PCDH9: variants seen among roughly 807,000 people sequenced by gnomAD.
PCDH9 encodes the protein protocadherin-9.
A neutral mutation model predicts 70.6 loss-of-function variants in PCDH9; 24 were observed. The observed-to-expected ratio is 0.34, with a 90% confidence interval of 0.25 to 0.48. The LOEUF (loss-of-function observed/expected upper bound fraction) is 0.48, where lower values mean the gene tolerates loss of function less well. PCDH9 is among the 20% of genes least tolerant of loss of function. The pLI, the probability that PCDH9 is intolerant of heterozygous loss-of-function variation, is 0.99. For missense variants in PCDH9, 1,281 were observed against 1,503.6 expected (o/e 0.85, Z 2.45); for synonymous variants, 562 against 558.5 (o/e 1.01, Z -0.09).
At chr13:66,840,370 A>T (rs1034180135) in intron 3 of PCDH9, among the ~76,000 whole-genome samples, 1 of 152,216 alleles carries the variant, frequency 6.6e-6, no homozygotes, top group Admixed American at 6.5e-5. Flanking sequence ...ATAAAAATAT[A>T]GTTAAATATT....
intron 4 of PCDH9, among the ~76,000 whole-genome samples, chr13:66,606,219 G>A (rs1407296799): frequency 6.6e-6 from 1 of 152,050 alleles, no homozygotes; most frequent in African/African-American, 2.4e-5. Flanking sequence ...CAATTTTTGT[G>A]CTTCTATCAG....
intron 2 of PCDH9, among the ~76,000 whole-genome samples, chr13:66,994,194 C>T (rs1466946891): frequency 6.6e-6 from 1 of 152,168 alleles, no homozygotes; most frequent in East Asian, 1.9e-4. Context: ...TGACTGGCGA[C>T]TCTTGGTAAC....
chr13:66,807,464 A>C (rs924445012), intron 3 of PCDH9, among the ~76,000 whole-genome samples: 1 of 152,206 alleles, frequency 6.6e-6, no homozygotes, highest in African/African-American at 2.4e-5. Context: ...AAGAACTTGC[A>C]GCTGGGATCA....
At chr13:66,907,974 C>A (rs1594242056) in intron 2 of PCDH9, among the ~76,000 whole-genome samples, 1 of 152,134 alleles carries the variant, frequency 6.6e-6, no homozygotes, top group Middle Eastern at 3.4e-3. Flanking sequence ...TTATTCCTAC[C>A]CATTTTAAAA....
At chr13:66,500,986 C>T (rs140204280) in intron 4 of PCDH9, among the ~76,000 whole-genome samples, 1 of 152,102 alleles carries the variant, frequency 6.6e-6, no homozygotes, top group African/African-American at 2.4e-5. Flanking sequence ...TACAATGATT[C>T]ACACATCCAA....
intron 4 of PCDH9, among the ~76,000 whole-genome samples, chr13:66,542,566 T>C (rs1272784688): frequency 1.3e-5 from 2 of 151,786 alleles, no homozygotes; most frequent in East Asian, 3.9e-4. Flanking sequence ...CCCTATCCAA[T>C]TTAGACTTGC....
At chr13:66,685,016 G>A (rs755771001) in intron 3 of PCDH9, among the ~76,000 whole-genome samples, 23 of 147,088 alleles carry the variant, frequency 1.6e-4, no homozygotes, top group Middle Eastern at 3.5e-3. Flanking sequence ...GCAGCCTGAC[G>A]ATGCAATAGA....
At chr13:66,778,206 A>T (rs1448379147) in intron 3 of PCDH9, among the ~76,000 whole-genome samples, 1 of 151,938 alleles carries the variant, frequency 6.6e-6, no homozygotes, top group Non-Finnish European at 1.5e-5. Flanking sequence ...TGGGTGTAGC[A>T]CACCAGCATG....
At chr13:66,894,246 C>G (rs1426694271) in intron 3 of PCDH9, among the ~76,000 whole-genome samples, 1 of 151,972 alleles carries the variant, frequency 6.6e-6, no homozygotes, top group Non-Finnish European at 1.5e-5. Context: ...AATATATGCA[C>G]CATACACCTA....
intron 3 of PCDH9, among the ~76,000 whole-genome samples, chr13:66,788,311 C>T (rs2080110842): frequency 6.6e-6 from 1 of 152,122 alleles, no homozygotes; most frequent in Non-Finnish European, 1.5e-5. Flanking sequence ...GGCCTCGCCT[C>T]CCAACCCTGT....
chr13:66,391,785 C>T (rs267310), intron 4 of PCDH9, among the ~76,000 whole-genome samples: 3 of 151,322 alleles, frequency 2.0e-5, no homozygotes, highest in Non-Finnish European at 4.4e-5. Context: ...ATCCAATATG[C>T]CTTGATACAG....
chr13:67,192,826 G>A (rs2088954696), intron 2 of PCDH9, among the ~76,000 whole-genome samples: 1 of 152,066 alleles, frequency 6.6e-6, no homozygotes, highest in Admixed American at 6.5e-5. Flanking sequence ...TAAATACTTG[G>A]TCCCTTGTAT....
intron 3 of PCDH9, among the ~76,000 whole-genome samples, chr13:66,833,741 G>A (rs1300571534): frequency 6.6e-6 from 1 of 152,168 alleles, no homozygotes. Flanking sequence ...AAAATCAAAT[G>A]TTTGCAGAAT....
At position 66,743,635 on chromosome 13, in the gene PCDH9, G is replaced by C. The variant is rs140893722; in HGVS notation, c.3139-112224C>G. Among the ~76,000 whole-genome samples the C allele has an allele frequency of 4.3e-4, 66 of 152,160 alleles. No homozygotes were observed. In the East Asian group the frequency reaches 0.012, roughly 29 times the overall value. Reference sequence around the variant, plus strand: ...ATTGTATGCTCAAAAATTGCTAAGAGAGTAGATTTTAAGTGTTCTCACTAT... The same window carrying C: ...ATTGTATGCTCAAAAATTGCTAAGACAGTAGATTTTAAGTGTTCTCACTAT... On this transcript the variant is annotated intron_variant, in intron 3 of 4. Coordinates refer to ENST00000377865, the MANE Select transcript of PCDH9 (RefSeq NM_203487.3).
rs1339251294 is a variant in PCDH9, at chr13:66,424,114, T to C, written c.3341-119086A>G. Reference sequence around the variant, plus strand: ...GAATAAAATATCTAGGAATACAACTTACAAGGGATGTGAAGGGCCTCCTCA... The same window carrying C: ...GAATAAAATATCTAGGAATACAACTCACAAGGGATGTGAAGGGCCTCCTCA... On this transcript the variant is annotated intron_variant, in intron 4 of 4. Coordinates refer to ENST00000377865, the MANE Select transcript of PCDH9 (RefSeq NM_203487.3). Among the ~76,000 whole-genome samples, 4 of 152,100 alleles carry C rather than the reference T, an allele frequency of 2.6e-5. No individual in the cohort carries two copies. The South Asian group carries it at 6.2e-4, about 24-fold the overall frequency.
intron 2 of PCDH9, among the ~76,000 whole-genome samples, chr13:66,924,086 G>T (rs1405910176): frequency 6.6e-6 from 1 of 151,696 alleles, no homozygotes; most frequent in Non-Finnish European, 1.5e-5. Flanking sequence ...AAAAGAAAAT[G>T]ATGCTATAGA....
chr13:66,998,922 A>G (rs1445345786), intron 2 of PCDH9, among the ~76,000 whole-genome samples: 1 of 152,230 alleles, frequency 6.6e-6, no homozygotes, highest in Non-Finnish European at 1.5e-5. Flanking sequence ...AAAAAATTAA[A>G]TAAAGAGCAA....
chr13:66,772,373 G>A (rs1352296064), intron 3 of PCDH9, among the ~76,000 whole-genome samples: 1 of 152,042 alleles, frequency 6.6e-6, no homozygotes, highest in African/African-American at 2.4e-5. Flanking sequence ...GCCACAATTT[G>A]TTTACATGCA....
chr13:66,633,398 T>C (rs1022964136), intron 3 of PCDH9, among the ~76,000 whole-genome samples: 12 of 152,164 alleles, frequency 7.9e-5, no homozygotes, highest in Non-Finnish European at 4.4e-5. Flanking sequence ...CATGCTACCA[T>C]GTTTATTTAT....
Sources: gnomAD v4.1 joint callset for allele counts (sites outside exome capture counted in the v4.1 genomes callset) on GRCh38, gnomAD v4.1.1 for gene constraint, MANE v1.5 for transcripts, NCBI Gene and HGNC (gene_info 2026-07-23, HGNC 2026-07-21) for gene names.